Variants in LANCL2 observed in about 807,000 individuals in gnomAD.
The protein encoded by LANCL2 is LanC like glutathione S-transferase 2.
A neutral mutation model predicts 56.9 loss-of-function variants in LANCL2; 33 were observed. The observed-to-expected ratio is 0.58, with a 90% CI of 0.44 to 0.78. LANCL2 has a LOEUF of 0.78. LANCL2 is among the 30% of genes least tolerant of loss of function. The probability of loss-of-function intolerance (pLI) is 0.00; values close to 1 mark genes in which losing one functional copy is unlikely to be tolerated. For missense variants in LANCL2, 562 were observed against 580.2 expected, an observed-to-expected ratio of 0.97 and a Z score of 0.32; for synonymous variants, 233 against 228.2, an observed-to-expected ratio of 1.02 and a Z score of -0.19.
chr7:55,424,950 C>A (rs1790647334), intron 6 of LANCL2, among the ~76,000 whole-genome samples: 1 of 152,194 alleles, frequency 6.6e-6, no homozygotes, highest in Admixed American at 6.5e-5. Flanking sequence ...GCCTGATGAT[C>A]TGAGCTGGAA....
chr7:55,376,386 T>G (rs1317866820), intron 1 of LANCL2, among the ~76,000 whole-genome samples: 1 of 152,206 alleles, frequency 6.6e-6, no homozygotes, highest in East Asian at 1.9e-4. Context: ...TGGACAGCCC[T>G]GCAAAGCAAG....
chr7:55,408,494 C>T lies in LANCL2; in HGVS notation c.826-3413C>T, dbSNP rs548375019. 4.6e-5 allele frequency among the ~76,000 whole-genome samples: 7 copies of T among 152,112 alleles called. No individual in the cohort carries two copies. In the East Asian group the frequency reaches 5.8e-4, roughly 13 times the overall value. ...CAGCCTGGCCAACACAGTGAAACCCCGTCTCTACTAAAAAAATACAAAAAA... is the reference window on the plus strand; with the variant it reads ...CAGCCTGGCCAACACAGTGAAACCCTGTCTCTACTAAAAAAATACAAAAAA... On this transcript the variant is annotated intron_variant, in intron 5 of 8. Coordinates refer to ENST00000254770, the MANE Select transcript of LANCL2 (RefSeq NM_018697.4).
intron 5 of LANCL2, among the ~76,000 whole-genome samples, chr7:55,403,902 G>C (rs143371242): frequency 8.8e-4 from 134 of 152,190 alleles, no homozygotes; most frequent in Middle Eastern, 3.4e-3. Flanking sequence ...TTGTCTTCCT[G>C]TTAATTGCAG....
intron 6 of LANCL2, among the ~76,000 whole-genome samples, chr7:55,416,361 C>G (rs1790539378): frequency 6.6e-6 from 1 of 152,056 alleles, no homozygotes; most frequent in African/African-American, 2.4e-5. Flanking sequence ...TCTTGGCTCA[C>G]TGTAGCCTCG....
At chr7:55,417,852 T>C (rs1031621810) in intron 6 of LANCL2, among the ~76,000 whole-genome samples, 1 of 152,144 alleles carries the variant, frequency 6.6e-6, no homozygotes, top group African/African-American at 2.4e-5. Flanking sequence ...CTAGTTTTTG[T>C]ATTTTTAGTA....
intron 6 of LANCL2, among the ~76,000 whole-genome samples, chr7:55,412,490 T>G (rs1790482504): frequency 6.6e-6 from 1 of 152,238 alleles, no homozygotes; most frequent in South Asian, 2.1e-4. Context: ...TGGATTATGA[T>G]TGTCCAAGAA....
rs1334360595 is a variant in LANCL2 at position 55,398,327 on chromosome 7, T to C, written c.323-96T>C. ...TTACCCGTTTGGAAACATAGATTTA[T>C]GTAGAAGAAGGTATTTCATGTAATT... On this transcript the variant is annotated intron_variant, in intron 2 of 8. Transcript: ENST00000254770. 3.5e-6 allele frequency: 3 copies of C among 867,272 alleles called. No individual in the cohort carries two copies. In the Admixed American group the frequency reaches 6.4e-5, roughly 18 times the overall value. 53.7% of individuals were successfully genotyped at this position (867,272 alleles called of 1,614,324 possible). A position where few individuals can be genotyped will look rare whatever the true frequency, so the allele number is the denominator to read the frequency against.
intron 4 of LANCL2, among the ~76,000 whole-genome samples, chr7:55,400,327 ACAG>A (rs1790306922): frequency 6.6e-6 from 1 of 152,234 alleles, no homozygotes; most frequent in Admixed American, 6.5e-5. Context: ...CTGGAGCTAA[ACAG>A]CAGCAGCTTC....
At chr7:55,424,753 G>A (rs747940123) in intron 6 of LANCL2, among the ~76,000 whole-genome samples, 16 of 152,324 alleles carry the variant, frequency 1.1e-4, no homozygotes, top group Non-Finnish European at 1.9e-4. Flanking sequence ...AGCAGGAGGT[G>A]AGCAGCAGCG....
chr7:55,398,832 A>G (rs1338547599), intron 3 of LANCL2, among the ~76,000 whole-genome samples: 2 of 152,202 alleles, frequency 1.3e-5, no homozygotes, highest in Admixed American at 6.5e-5. Flanking sequence ...TGGGAAGAAT[A>G]AATATATTTC....
At chr7:55,409,341 G>A (rs1002352005) in intron 5 of LANCL2, among the ~76,000 whole-genome samples, 3 of 151,784 alleles carry the variant, frequency 2.0e-5, no homozygotes, top group African/African-American at 7.3e-5. Context: ...CACCCGCCTC[G>A]GCCTCCCAAA....
chr7:55,389,124 T>G (rs540046123), intron 1 of LANCL2, among the ~76,000 whole-genome samples: 26 of 152,322 alleles, frequency 1.7e-4, no homozygotes, highest in African/African-American at 5.3e-4. Context: ...GAATTTGATG[T>G]TTTTCTGCAT....
chr7:55,371,364 C>G (rs1211700799), intron 1 of LANCL2, among the ~76,000 whole-genome samples: 1 of 152,178 alleles, frequency 6.6e-6, no homozygotes, highest in Admixed American at 6.5e-5. Context: ...GCTGGGACCA[C>G]AGACAGGTAC....
intron 7 of LANCL2, among the ~76,000 whole-genome samples, chr7:55,427,257 G>A (rs1202101337): frequency 1.3e-5 from 2 of 152,196 alleles, no homozygotes; most frequent in African/African-American, 4.8e-5. Flanking sequence ...AAATGAGGAA[G>A]CCTCAGCACT....
At chr7:55,426,083 A>G (rs1790661621) in intron 7 of LANCL2, among the ~76,000 whole-genome samples, 1 of 152,166 alleles carries the variant, frequency 6.6e-6, no homozygotes, top group Non-Finnish European at 1.5e-5. Flanking sequence ...GCTCCTTGCC[A>G]TGCTGATCTG....
intron 1 of LANCL2, among the ~76,000 whole-genome samples, chr7:55,384,723 T>C (rs1790106114): frequency 6.6e-6 from 1 of 152,106 alleles, no homozygotes; most frequent in Non-Finnish European, 1.5e-5. Context: ...TGACGGCTGA[T>C]TTTTCGTTAG....
At chr7:55,398,888 G>A (rs1032467511) in intron 3 of LANCL2, among the ~76,000 whole-genome samples, 10 of 152,034 alleles carry the variant, frequency 6.6e-5, no homozygotes, top group Admixed American at 2.0e-4. Flanking sequence ...TTTCTTCAAT[G>A]CATGAAAATT....
intron 2 of LANCL2, 130 bp downstream of exon 2, chr7:55,392,040 C>A (rs1030924132): frequency 1.9e-6 from 1 of 531,008 alleles, no homozygotes; most frequent in Non-Finnish European, 3.4e-6. Flanking sequence ...CGCCTGTAAT[C>A]CCAGCACATT....
In LANCL2 at chr7:55,366,081, TGGA is replaced by T; in HGVS notation, c.60_62del (p.Glu21del). On this transcript the variant is annotated inframe_deletion, in exon 1 of 9. Transcript: ENST00000254770. ...CTCCACCTGGGAGGGGAGGCAGAAA[TGGA>T]GGAACGGGCGTTCGTCAACCCCTTC... 6.5e-7 allele frequency: 1 copy of T among 1,535,198 alleles called. No individual in the cohort carries two copies. The highest frequency in any genetic ancestry group is 8.8e-7 in the Non-Finnish European group (1 of 1,137,290).
Sources: gnomAD v4.1 joint callset for allele counts (sites outside exome capture counted in the v4.1 genomes callset) on GRCh38, gnomAD v4.1.1 for gene constraint, MANE v1.5 for transcripts, NCBI Gene and HGNC (gene_info 2026-07-23, HGNC 2026-07-21) for gene names.